The following ITPR2 variants were observed in gnomAD, a reference collection of about 807,000 sequenced individuals.
ITPR2 encodes the protein inositol 1,4,5-trisphosphate receptor type 2, also known as inositol 1,4,5-trisphosphate-gated calcium channel ITPR2.
Under a neutral mutation model 317.1 loss-of-function variants are expected in ITPR2, and 207 were observed. The ratio of observed to expected loss-of-function variants is 0.65; its 90% CI spans 0.58 to 0.73. The LOEUF (loss-of-function observed/expected upper bound fraction) is 0.73, where lower values mean the gene tolerates loss of function less well. Among genes scored for constraint, ITPR2 ranks in the 30% least tolerant of loss-of-function variants. The pLI is 0.00. For missense variants in ITPR2, 2,613 were observed against 3,284.0 expected (o/e 0.80, Z 4.99); for synonymous variants, 1,156 against 1,149.1 (o/e 1.01, Z -0.12).
chr12:26,560,516 T>C (rs1345678265), intron 35 of ITPR2, among the ~76,000 whole-genome samples: 2 of 152,174 alleles, frequency 1.3e-5, no homozygotes, highest in Non-Finnish European at 2.9e-5. Context: ...CATCGGGGCC[T>C]CTTAAACTCC....
At chr12:26,784,915 GCCAT>G (rs1950189199) in intron 2 of ITPR2, among the ~76,000 whole-genome samples, 1 of 49,174 alleles carries the variant, frequency 2.0e-5, no homozygotes, top group Non-Finnish European at 4.7e-5. Flanking sequence ...CTTCCCCGCC[GCCAT>G]CCCATCTAGG....
In ITPR2 at chr12:26,554,024, C is replaced by T. The variant is rs572281066; in HGVS notation, c.4964+2209G>A. Among the ~76,000 whole-genome samples the T allele has an allele frequency of 1.1e-4, 16 of 152,268 alleles. 1 individual carries two copies. In the South Asian group the frequency reaches 3.1e-3, roughly 30 times the overall value. The stretch of plus-strand genomic sequence containing the variant: ...TTACTTCATGTGCGTGTGGGATCTG[C>T]AATGTATTCCTATTATCACATCACT... On this transcript the variant is annotated intron_variant, in intron 36 of 56. Coordinates refer to ENST00000381340, the MANE Select transcript of ITPR2 (RefSeq NM_002223.4).
intron 41 of ITPR2, among the ~76,000 whole-genome samples, chr12:26,485,253 T>C (rs1190657539): frequency 1.3e-5 from 2 of 152,210 alleles, no homozygotes; most frequent in Non-Finnish European, 2.9e-5. Flanking sequence ...AATTTATTAT[T>C]TAACGTGTTT....
rs528949302 is a variant in ITPR2, at chr12:26,756,486, G to C, written c.164-30721C>G. On this transcript the variant is annotated intron_variant, in intron 2 of 56. Transcript: ENST00000381340. ...ATATTTTTACTTATGTTGCTTTACT[G>C]TTGTGTAATGTATTGCTGTTGTAGT... Among the ~76,000 whole-genome samples the C allele has an allele frequency of 5.6e-4, 86 of 152,316 alleles. 1 individual carries two copies. In the South Asian group the frequency reaches 0.017, roughly 29 times the overall value.
chr12:26,688,314 A>G (rs923880634), intron 10 of ITPR2, among the ~76,000 whole-genome samples: 5 of 152,168 alleles, frequency 3.3e-5, no homozygotes, highest in African/African-American at 1.2e-4. Flanking sequence ...GGCTGGGATT[A>G]CAGGCGTGGG....
intron 2 of ITPR2, among the ~76,000 whole-genome samples, chr12:26,779,559 G>A (rs951947182): frequency 2.6e-5 from 4 of 152,166 alleles, no homozygotes; most frequent in African/African-American, 4.8e-5. Context: ...AGCCTGCATC[G>A]ATGGCCTCAT....
intron 2 of ITPR2, among the ~76,000 whole-genome samples, chr12:26,746,380 G>GC (rs1949323988): frequency 6.6e-6 from 1 of 152,190 alleles, no homozygotes; most frequent in African/African-American, 2.4e-5. Flanking sequence ...AGTGTTTGCT[G>GC]CGGTACTCAG....
chr12:26,575,530 AGAG>A (rs2137064060), intron 34 of ITPR2, among the ~76,000 whole-genome samples: 1 of 152,184 alleles, frequency 6.6e-6, no homozygotes, highest in South Asian at 2.1e-4. Context: ...CTTCTCACAA[AGAG>A]AAAACTGAGA....
At position 26,622,243 on chromosome 12, in the gene ITPR2, C is replaced by T; in HGVS notation, c.3285G>A (p.Lys1095=). 1 of 1,609,108 alleles carries T rather than the reference C, an allele frequency of 6.2e-7. No homozygotes were observed. The highest frequency in any genetic ancestry group is 8.5e-7 in the Non-Finnish European group (1 of 1,178,360). Residue 1095 remains lysine, a synonymous_variant, in exon 25 of 57, where the codon AAG becomes AAA. Transcript: ENST00000381340. ...SQRAEVLQAF[K]QVQLLVSNQD... is the part of the protein sequence containing the mutation. ...ATTGAGGGCTCTTCAATCTTACCTG[C>T]TTAAATGCCTGTAAAACCTCTGCCC...
At chr12:26,391,186 T>C (rs546716986) in intron 54 of ITPR2, among the ~76,000 whole-genome samples, 1 of 152,352 alleles carries the variant, frequency 6.6e-6, no homozygotes, top group Admixed American at 6.5e-5. Context: ...TGTCTAAATA[T>C]GCTATTATAA....
chr12:26,563,878 G>A (rs1468227206), intron 34 of ITPR2, among the ~76,000 whole-genome samples: 1 of 152,136 alleles, frequency 6.6e-6, no homozygotes, highest in East Asian at 1.9e-4. Flanking sequence ...AGTCATTACG[G>A]ACTTTCCTAA....
intron 1 of ITPR2, among the ~76,000 whole-genome samples, chr12:26,799,207 A>C (rs1282793367): frequency 1.3e-5 from 2 of 152,182 alleles, no homozygotes; most frequent in African/African-American, 4.8e-5. Context: ...ATTCCCACTT[A>C]TTTTTCCATG....
chr12:26,519,322 C>T (rs1208375431), intron 37 of ITPR2, among the ~76,000 whole-genome samples: 1 of 152,018 alleles, frequency 6.6e-6, no homozygotes, highest in Non-Finnish European at 1.5e-5. Context: ...GAATTTGTTC[C>T]AGGAATGCAA....
chr12:26,602,407 G>A lies in ITPR2; in HGVS notation c.3641C>T (p.Ser1214Leu), dbSNP rs748364132. The A allele has an allele frequency of 8.1e-6, 13 of 1,613,630 alleles. No homozygotes were observed. The highest frequency in any genetic ancestry group is 4.5e-5 in the East Asian group (2 of 44,876). ...QRLLKNMGAH[S>L]VVLDLLQIPY... is the part of the protein sequence containing the mutation. ...TATCTGCAGAAGATCCAACACCACC[G>A]AATGCGCCCCCATATTTTTCAGTAA... Residue 1214 changes from serine to leucine, a missense_variant, in exon 28 of 57, where the codon TCG becomes TTG. Coordinates refer to ENST00000381340, the MANE Select transcript of ITPR2 (RefSeq NM_002223.4).
chr12:26,426,694 A>G (rs1941070499), intron 49 of ITPR2, among the ~76,000 whole-genome samples: 1 of 152,118 alleles, frequency 6.6e-6, no homozygotes. Flanking sequence ...CAAATACATC[A>G]TGTCTAATTT....
chr12:26,664,344 G>C (rs1269399778), intron 14 of ITPR2, among the ~76,000 whole-genome samples: 1 of 151,850 alleles, frequency 6.6e-6, no homozygotes, highest in East Asian at 1.9e-4. Context: ...TACTGTTTTT[G>C]TATACAAAGA....
At chr12:26,344,346 G>A (rs75291425) in intron 55 of ITPR2, among the ~76,000 whole-genome samples, 6,253 of 152,174 alleles carry the variant, frequency 0.041, 403 homozygotes, top group African/African-American at 0.14. Context: ...TGGGGCAGGG[G>A]GATTTGGGAG....
At chr12:26,639,294 C>T (rs557831409) in intron 21 of ITPR2, among the ~76,000 whole-genome samples, 31 of 152,006 alleles carry the variant, frequency 2.0e-4, no homozygotes, top group Non-Finnish European at 3.8e-4. Flanking sequence ...ACAAAAAAGA[C>T]CTAATAATTA....
intron 21 of ITPR2, among the ~76,000 whole-genome samples, chr12:26,632,619 A>T (rs1170244125): frequency 1.3e-5 from 2 of 152,236 alleles, no homozygotes; most frequent in South Asian, 2.1e-4. Flanking sequence ...TGGGGAAGAC[A>T]TATGCATTAG....
Sources: allele counts gnomAD v4.1 joint callset (sites outside exome capture counted in the v4.1 genomes callset), GRCh38; gene constraint gnomAD v4.1.1; transcripts MANE v1.5; gene names NCBI Gene and HGNC (gene_info 2026-07-23, HGNC 2026-07-21).